Variants in RBMS3 observed in about 807,000 individuals in gnomAD.
RBMS3 encodes the protein RNA-binding motif, single-stranded-interacting protein 3.
A neutral mutation model predicts 66.8 loss-of-function variants in RBMS3; 27 were observed. The observed-to-expected ratio is 0.40, with a 90% CI of 0.30 to 0.56. RBMS3 has a LOEUF of 0.56. Ranked by LOEUF, RBMS3 falls within the 20% of genes least tolerant of loss-of-function variation. The pLI, the probability that RBMS3 is intolerant of heterozygous loss-of-function variation, is 0.40. For synonymous variants in RBMS3, 188 were observed against 183.0 expected (o/e 1.03, Z -0.22); for missense variants, 513 against 549.5 (o/e 0.93, Z 0.66).
intron 4 of RBMS3, among the ~76,000 whole-genome samples, chr3:29,720,581 TG>T (rs2053601213): frequency 6.6e-6 from 1 of 152,126 alleles, no homozygotes; most frequent in Non-Finnish European, 1.5e-5. Context: ...CTTTTGGATT[TG>T]AAAGCAGATT....
chr3:29,695,796 CTTCA>C (rs1365756242), intron 4 of RBMS3, among the ~76,000 whole-genome samples: 3 of 152,206 alleles, frequency 2.0e-5, no homozygotes, highest in Non-Finnish European at 4.4e-5. Flanking sequence ...CCAACTCTTG[CTTCA>C]TTGAGTTTCA....
intron 12 of RBMS3, among the ~76,000 whole-genome samples, chr3:29,970,502 T>A (rs1185807822): frequency 6.6e-6 from 1 of 152,178 alleles, no homozygotes; most frequent in African/African-American, 2.4e-5. Context: ...ACCCTTTATA[T>A]CTTATTTTTT....
At chr3:29,944,304 G>T in intron 12 of RBMS3, 50 bp downstream of exon 12, 1 of 1,482,956 alleles carries the variant, frequency 6.7e-7, no homozygotes, top group South Asian at 1.1e-5. Flanking sequence ...GAGAGATGGA[G>T]GTTGCCTGGT....
chr3:29,419,164 G>GT (rs1004287816), intron 1 of RBMS3, among the ~76,000 whole-genome samples: 18 of 152,102 alleles, frequency 1.2e-4, no homozygotes, highest in East Asian at 1.9e-4. Context: ...CTTAATACAG[G>GT]TAAGTATAGA....
intron 3 of RBMS3, among the ~76,000 whole-genome samples, chr3:29,489,973 G>T (rs867726474): frequency 1.8e-4 from 27 of 147,496 alleles, no homozygotes; most frequent in East Asian, 2.0e-4. Context: ...AACCCAGGAG[G>T]CAGAGGTTGC....
intron 8 of RBMS3, 140 bp downstream of exon 8, chr3:29,884,348 A>G (rs1281146509): frequency 2.8e-6 from 2 of 711,736 alleles, no homozygotes; most frequent in Middle Eastern, 2.6e-4. Context: ...ATTTTTCATC[A>G]TTATAGTTTT....
intron 3 of RBMS3, among the ~76,000 whole-genome samples, chr3:29,495,981 T>A (rs2043733210): frequency 6.6e-6 from 1 of 152,112 alleles, no homozygotes; most frequent in Non-Finnish European, 1.5e-5. Context: ...GGAAAGCCTC[T>A]TTTCTAGTAC....
intron 7 of RBMS3, chr3:29,880,644 A>G (rs1336236767): frequency 2.2e-5 from 16 of 724,398 alleles, no homozygotes; most frequent in Non-Finnish European, 3.5e-5. Flanking sequence ...TCCAAGTGTT[A>G]GTTATTGTGC....
intron 3 of RBMS3, among the ~76,000 whole-genome samples, chr3:29,569,169 A>C (rs1431383026): frequency 6.6e-6 from 1 of 152,136 alleles, no homozygotes; most frequent in Non-Finnish European, 1.5e-5. Flanking sequence ...CTAGTTTTTC[A>C]GGTCTTGACC....
chr3:29,706,288 A>G (rs1304176530), intron 4 of RBMS3, among the ~76,000 whole-genome samples: 2 of 152,210 alleles, frequency 1.3e-5, no homozygotes, highest in Non-Finnish European at 2.9e-5. Context: ...AATTTCTTGC[A>G]TTGATACTTG....
intron 1 of RBMS3, among the ~76,000 whole-genome samples, chr3:29,300,309 C>G (rs902793993): frequency 4.6e-5 from 7 of 151,876 alleles, no homozygotes; most frequent in Non-Finnish European, 1.0e-4. Context: ...TATAGCAAAA[C>G]CAATTCTAGA....
chr3:29,418,513 A>G (rs1283154563), intron 1 of RBMS3, among the ~76,000 whole-genome samples: 2 of 152,156 alleles, frequency 1.3e-5, no homozygotes, highest in African/African-American at 2.4e-5. Flanking sequence ...TAGACAGTCA[A>G]TGTTGCAGAA....
intron 1 of RBMS3, among the ~76,000 whole-genome samples, chr3:29,331,226 G>A (rs968916508): frequency 1.1e-4 from 17 of 152,030 alleles, no homozygotes; most frequent in Non-Finnish European, 7.4e-5. Context: ...CCCTTCATCT[G>A]CTTCTGGGTG....
At chr3:29,380,912 T>C (rs1006441589) in intron 1 of RBMS3, among the ~76,000 whole-genome samples, 2 of 152,192 alleles carry the variant, frequency 1.3e-5, no homozygotes, top group Non-Finnish European at 2.9e-5. Context: ...CCATTCATGA[T>C]GGATTGGAGA....
At chr3:29,698,927 T>C (rs1220535891) in intron 4 of RBMS3, among the ~76,000 whole-genome samples, 1 of 152,192 alleles carries the variant, frequency 6.6e-6, no homozygotes, top group Non-Finnish European at 1.5e-5. Flanking sequence ...CACCCAGCTT[T>C]CTTCACATAA....
chr3:29,617,709 C>A lies in RBMS3; in HGVS notation c.399+30504C>A, dbSNP rs139927987. Among the ~76,000 whole-genome samples the A allele has an allele frequency of 5.6e-3, 852 of 152,246 alleles. 6 individuals carry two copies. The highest frequency in any genetic ancestry group is 0.017 in the African/African-American group (701 of 41,522). On this transcript the variant is annotated intron_variant, in intron 4 of 14. Transcript: ENST00000383767. ...GGTTTTGTGTTGTTCATTTATAAGA[C>A]TATAGTACCTTCATTTATGAAATGA... is the stretch of plus-strand genomic sequence containing the variant.
intron 2 of RBMS3, among the ~76,000 whole-genome samples, chr3:29,454,434 G>C (rs184035197): frequency 1.7e-4 from 26 of 152,278 alleles, no homozygotes; most frequent in Non-Finnish European, 3.4e-4. Context: ...TCTTTGAAAG[G>C]ATCTGGTAAT....
chr3:29,822,527 A>G (rs1210661297), intron 6 of RBMS3, among the ~76,000 whole-genome samples: 1 of 152,166 alleles, frequency 6.6e-6, no homozygotes, highest in Non-Finnish European at 1.5e-5. Flanking sequence ...ATTTGGAGAC[A>G]CTTCGATTAT....
chr3:29,593,220 A>T (rs542772123), intron 4 of RBMS3, among the ~76,000 whole-genome samples: 1 of 152,272 alleles, frequency 6.6e-6, no homozygotes, highest in African/African-American at 2.4e-5. Context: ...CCAAAGTGCA[A>T]CTATTGGCCT....
Sources: allele counts gnomAD v4.1 joint callset (sites outside exome capture counted in the v4.1 genomes callset), GRCh38; gene constraint gnomAD v4.1.1; transcripts MANE v1.5; gene names NCBI Gene and HGNC (gene_info 2026-07-23, HGNC 2026-07-21).